The following CACNG7 variants were observed in gnomAD, a reference collection of about 807,000 sequenced individuals.
CACNG7 encodes the protein calcium voltage-gated channel auxiliary subunit gamma 7, also known as voltage-dependent calcium channel gamma-7 subunit.
Under a neutral mutation model 26.3 loss-of-function variants are expected in CACNG7, and 9 were observed. That is an observed-to-expected ratio of 0.34 (90% CI 0.21 to 0.60). The LOEUF (loss-of-function observed/expected upper bound fraction) is 0.60, where lower values mean the gene tolerates loss of function less well. Ranked by LOEUF, CACNG7 falls within the 20% of genes least tolerant of loss-of-function variation. The pLI, the probability that CACNG7 is intolerant of heterozygous loss-of-function variation, is 0.81. For missense variants in CACNG7, 297 were observed against 380.4 expected, an observed-to-expected ratio of 0.78 and a Z score of 1.82; for synonymous variants, 170 against 157.0, an observed-to-expected ratio of 1.08 and a Z score of -0.62.
intron 4 of CACNG7, among the ~76,000 whole-genome samples, chr19:53,916,988 G>A (rs1047196585): frequency 6.6e-6 from 1 of 151,914 alleles, no homozygotes; most frequent in African/African-American, 2.4e-5. Flanking sequence ...AGTAGAGATG[G>A]GGTTTTGCCA....
chr19:53,909,313 G>T lies in CACNG7; in HGVS notation c.-234G>T, dbSNP rs1186480503. The T allele has an allele frequency of 1.3e-5, 2 of 149,760 alleles. No homozygotes were observed. Among genetic ancestry groups the T allele is most frequent in the East Asian group, 3.9e-4 (2 of 5,072 alleles). The allele number at this position is 149,760 out of a possible 1,614,324, so 9.3% of individuals were successfully genotyped here. Reference sequence around the variant, plus strand: ...GAGCGGCCGCCGGTTCCTGCTCCCGGCTCCGTCCGCCGAGTGAGGCCGCGG... The same window carrying T: ...GAGCGGCCGCCGGTTCCTGCTCCCGTCTCCGTCCGCCGAGTGAGGCCGCGG... On this transcript the variant is annotated 5_prime_UTR_variant, in exon 1 of 6. Transcript: ENST00000391767. The surrounding 1 kb of genome is among the most constrained non-coding windows in gnomAD (Gnocchi z 5.1).
At chr19:53,934,691 T>C (rs1011851193) in intron 4 of CACNG7, among the ~76,000 whole-genome samples, 3 of 151,966 alleles carry the variant, frequency 2.0e-5, no homozygotes, top group Admixed American at 6.6e-5. Context: ...GAGGATCACT[T>C]GAGCCCAGGA....
At chr19:53,910,342 C>T (rs1484795479) in intron 1 of CACNG7, among the ~76,000 whole-genome samples, 2 of 138,632 alleles carry the variant, frequency 1.4e-5, no homozygotes, top group African/African-American at 2.8e-5. Flanking sequence ...GACTCCGGAT[C>T]TCGGAGGCCT....
At chr19:53,915,003 C>G (rs1310921607) in intron 3 of CACNG7, among the ~76,000 whole-genome samples, 1 of 129,924 alleles carries the variant, frequency 7.7e-6, no homozygotes, top group Non-Finnish European at 1.6e-5. Context: ...GAGACTCTGT[C>G]TCAAAAAAAA....
chr19:53,919,000 C>A (rs1351196603), intron 4 of CACNG7, among the ~76,000 whole-genome samples: 2 of 152,144 alleles, frequency 1.3e-5, no homozygotes, highest in South Asian at 2.1e-4. Context: ...GAACTCTCGA[C>A]CTCAGGTGAT....
At chr19:53,917,698 A>G (rs1268996267) in intron 4 of CACNG7, among the ~76,000 whole-genome samples, 1 of 152,176 alleles carries the variant, frequency 6.6e-6, no homozygotes, top group Admixed American at 6.5e-5. Flanking sequence ...TCAAATGGAA[A>G]AATAGTAGCC....
intron 4 of CACNG7, among the ~76,000 whole-genome samples, chr19:53,926,044 A>G (rs911719974): frequency 6.6e-6 from 1 of 152,176 alleles, no homozygotes; most frequent in East Asian, 1.9e-4. Context: ...CAATCTTCAG[A>G]TGTCCTGTAT....
intron 3 of CACNG7, among the ~76,000 whole-genome samples, 195 bp downstream of exon 3, chr19:53,914,781 C>G (rs2068884124): frequency 6.6e-6 from 1 of 152,022 alleles, no homozygotes; most frequent in African/African-American, 2.4e-5. Context: ...GTGGGTGGAT[C>G]ACCTGAGGTC....
chr19:53,927,764 G>C lies in CACNG7; in HGVS notation c.424+12259G>C, dbSNP rs554424449. On this transcript the variant is annotated intron_variant, in intron 4 of 5. Transcript: ENST00000391767. ...GAGGCAGGAGAATCGCTTGAACCCG[G>C]GAGGCGGAGGTTGCAGTGAGCCGAG... 2.0e-5 allele frequency among the ~76,000 whole-genome samples: 3 copies of C among 151,884 alleles called. No individual in the cohort carries two copies. In the East Asian group the frequency reaches 5.8e-4, roughly 29 times the overall value.
chr19:53,929,380 T>A (rs2069056214), intron 4 of CACNG7, among the ~76,000 whole-genome samples: 1 of 152,164 alleles, frequency 6.6e-6, no homozygotes, highest in Non-Finnish European at 1.5e-5. Flanking sequence ...TCCTTTGCTA[T>A]AAACCTGCTC....
chr19:53,935,613 G>A (rs113016533), intron 4 of CACNG7, among the ~76,000 whole-genome samples: 1,615 of 105,480 alleles, frequency 0.015, 32 homozygotes, highest in African/African-American at 0.055. Context: ...GTGAGCCACC[G>A]CCCCCACCCT....
In CACNG7 at chr19:53,926,731, G is replaced by A. The variant is rs1018632256; in HGVS notation, c.424+11226G>A. 1.2e-4 allele frequency among the ~76,000 whole-genome samples: 18 copies of A among 151,820 alleles called. 1 individual carries two copies. Among genetic ancestry groups the A allele is most frequent in the Admixed American group, 5.9e-4 (9 of 15,226 alleles). ...AGTTCGAGACCAGCCTGGCCAACAT[G>A]GTGAAACCCTATCTCCACTAAAAAT... On this transcript the variant is annotated intron_variant, in intron 4 of 5. Coordinates refer to ENST00000391767, the MANE Select transcript of CACNG7 (RefSeq NM_031896.5).
Position 53,915,013 on chromosome 19 carries a change from A to AAAAT in CACNG7, c.284-344_284-341dup, listed in dbSNP as rs1555809834. Among the ~76,000 whole-genome samples the AAAAT allele has an allele frequency of 1.8e-3, 263 of 148,874 alleles. 2 individuals carry two copies. Among genetic ancestry groups the AAAAT allele is most frequent in the African/African-American group, 6.2e-3 (253 of 40,728 alleles). On this transcript the variant is annotated intron_variant, in intron 3 of 5. Transcript: ENST00000391767. ...AGAGTGAGACTCTGTCTCAAAAAAA[A>AAAAT]AAATAAATAAAAGGAAGGAAGAAAG...
chr19:53,937,985 A>G (rs1236419797), intron 4 of CACNG7, among the ~76,000 whole-genome samples: 1 of 152,152 alleles, frequency 6.6e-6, no homozygotes, highest in Admixed American at 6.6e-5. Context: ...TTCCAGGTAG[A>G]AGGAATGGCA....
chr19:53,923,013 C>T (rs2068976856), intron 4 of CACNG7, among the ~76,000 whole-genome samples: 1 of 108,950 alleles, frequency 9.2e-6, no homozygotes, highest in Non-Finnish European at 1.8e-5. Context: ...TGCAGTTGCC[C>T]CAGGCCTGGT....
In CACNG7 at chr19:53,942,474, C is replaced by G; in HGVS notation, c.*181C>G. ...CCCACAGACTCCCTTATTTCAATGGCCGCGCCCTCTTTTCCCGACCTCTCC... is the reference window on the plus strand; with the variant it reads ...CCCACAGACTCCCTTATTTCAATGGGCGCGCCCTCTTTTCCCGACCTCTCC... On this transcript the variant is annotated 3_prime_UTR_variant, in exon 6 of 6. Transcript: ENST00000391767. The surrounding 1 kb of genome is among the most constrained non-coding windows in gnomAD (Gnocchi z 5.9). 1 of 1,444,086 alleles carries G rather than the reference C, an allele frequency of 6.9e-7. No individual in the cohort carries two copies. Among genetic ancestry groups the G allele is most frequent in the East Asian group, 2.5e-5 (1 of 40,122 alleles). The allele number at this position is 1,444,086 out of a possible 1,614,324, so 89.5% of individuals were successfully genotyped here.
chr19:53,930,759 C>A (rs529357959), intron 4 of CACNG7, among the ~76,000 whole-genome samples: 3 of 152,272 alleles, frequency 2.0e-5, no homozygotes, highest in South Asian at 2.1e-4. Context: ...CTGCCCTCAG[C>A]CTCCCAAAGT....
chr19:53,915,386 C>A lies in CACNG7; in HGVS notation c.305C>A (p.Pro102His). ...NILKTVRTAT[P>H]FPMVSLFLVF... Reference sequence around the variant, plus strand: ...CCAGAGACAGTGCGCACGGCCACCCCCTTCCCCATGGTCAGCCTCTTCCTC... The same window carrying A: ...CCAGAGACAGTGCGCACGGCCACCCACTTCCCCATGGTCAGCCTCTTCCTC... The change falls in exon 4 of 6, where the codon CCC (proline) becomes CAC (histidine). Residue 102 changes from proline (P) to histidine (H), a missense_variant. Physicochemically the swap from Pro to His is moderately conservative, Grantham distance 77. Coordinates refer to ENST00000391767, the MANE Select transcript of CACNG7 (RefSeq NM_031896.5). The A allele has an allele frequency of 6.2e-7, 1 of 1,614,098 alleles. No homozygotes were observed. Among genetic ancestry groups the A allele is most frequent in the Admixed American group, 1.7e-5 (1 of 60,018 alleles).
At chr19:53,921,577 T>TGCCCCAGGTCTGGTCATTGGTGGAGTCG (rs2068953159) in intron 4 of CACNG7, among the ~76,000 whole-genome samples, 1 of 117,516 alleles carries the variant, frequency 8.5e-6, no homozygotes, top group Non-Finnish European at 1.6e-5. Context: ...TTGGTGGAGT[T>TGCCCCAGGTCTGGTCATTGGTGGAGTCG]GCCCCAGGTC....
Sources: gnomAD v4.1 joint callset for allele counts (sites outside exome capture counted in the v4.1 genomes callset) on GRCh38, gnomAD v4.1.1 for gene constraint, Gnocchi (gnomAD v3.1) non-coding constraint, MANE v1.5 for transcripts, NCBI Gene and HGNC (gene_info 2026-07-23, HGNC 2026-07-21) for gene names.